Variants in TLE1 observed in about 807,000 individuals in gnomAD.
The protein encoded by TLE1 is transducin-like enhancer protein 1.
Under a neutral mutation model 89.8 loss-of-function variants are expected in TLE1, and 21 were observed. That is an observed-to-expected ratio of 0.23 (90% CI 0.17 to 0.34). The LOEUF (loss-of-function observed/expected upper bound fraction) is 0.34, where lower values mean the gene tolerates loss of function less well. TLE1 is among the 10% of genes least tolerant of loss of function. TLE1 has a pLI of 1.00. For missense variants in TLE1, 795 were observed against 1,031.2 expected, an observed-to-expected ratio of 0.77 and a Z score of 3.14; for synonymous variants, 447 against 407.6, an observed-to-expected ratio of 1.10 and a Z score of -1.16.
intron 4 of TLE1, among the ~76,000 whole-genome samples, chr9:81,657,310 A>G (rs1204768798): frequency 7.2e-5 from 11 of 152,206 alleles, no homozygotes; most frequent in Non-Finnish European, 1.2e-4. Flanking sequence ...ATGTGGTCAA[A>G]TGAAAGCATT....
At chr9:81,672,918 T>C (rs1436857947) in intron 4 of TLE1, among the ~76,000 whole-genome samples, 1 of 152,164 alleles carries the variant, frequency 6.6e-6, no homozygotes, top group Admixed American at 6.5e-5. Context: ...TTAAAGCTAT[T>C]GCCTTCCAAG....
intron 4 of TLE1, among the ~76,000 whole-genome samples, chr9:81,659,569 T>C (rs536378957): frequency 7.2e-5 from 11 of 152,298 alleles, no homozygotes; most frequent in African/African-American, 1.2e-4. Context: ...ACTTTCTTCA[T>C]GGATGGCCAC....
chr9:81,590,322 T>G (rs1829305007), intron 16 of TLE1, among the ~76,000 whole-genome samples: 1 of 152,222 alleles, frequency 6.6e-6, no homozygotes, highest in Non-Finnish European at 1.5e-5. Context: ...TGGGCAGGTC[T>G]ATTTCATTAT....
intron 11 of TLE1, 114 bp downstream of exon 11, chr9:81,615,868 T>C: frequency 7.3e-7 from 1 of 1,377,968 alleles, no homozygotes; most frequent in South Asian, 1.3e-5. Flanking sequence ...ATTAAACTCT[T>C]AAAAATACAA....
At chr9:81,642,419 A>C (rs1021588777) in intron 6 of TLE1, among the ~76,000 whole-genome samples, 1 of 152,034 alleles carries the variant, frequency 6.6e-6, no homozygotes, top group African/African-American at 2.4e-5. Context: ...AGGTCCGGGC[A>C]CAGTGGCTCA....
At chr9:81,643,313 G>A (rs1055458479) in intron 6 of TLE1, among the ~76,000 whole-genome samples, 1 of 151,324 alleles carries the variant, frequency 6.6e-6, no homozygotes, top group Non-Finnish European at 1.5e-5. Flanking sequence ...CTCGGCTCAC[G>A]GCAACCTCCA....
intron 4 of TLE1, 99 bp downstream of exon 4, chr9:81,685,577 A>C (rs1834158956): frequency 8.1e-7 from 1 of 1,229,998 alleles, no homozygotes; most frequent in African/African-American, 1.5e-5. Context: ...ATAGCATACA[A>C]ACCCCCACCC....
At chr9:81,588,421 T>C (rs538705301) in intron 16 of TLE1, among the ~76,000 whole-genome samples, 71 of 152,252 alleles carry the variant, frequency 4.7e-4, no homozygotes, top group Non-Finnish European at 9.4e-4. Context: ...TTAGGAAATC[T>C]GGACTCCCAG....
intron 15 of TLE1, among the ~76,000 whole-genome samples, 157 bp downstream of exon 15, chr9:81,592,868 T>C (rs1187537265): frequency 6.6e-6 from 1 of 152,180 alleles, no homozygotes; most frequent in African/African-American, 2.4e-5. Flanking sequence ...AACCTTCGCA[T>C]TTAAATGGGG....
intron 4 of TLE1, among the ~76,000 whole-genome samples, chr9:81,666,948 T>C (rs1212795150): frequency 4.0e-5 from 6 of 151,328 alleles, no homozygotes; most frequent in African/African-American, 1.5e-4. Flanking sequence ...TGAGACCTCA[T>C]TTCTACAGAA....
In TLE1 at chr9:81,587,739, A is replaced by G. The variant is rs749371285; in HGVS notation, c.1919T>C (p.Val640Ala). ...KLWTGGLDNTVRSWDLREGRQ... is the reference protein window; with the variant it reads ...KLWTGGLDNTARSWDLREGRQ... Reference sequence around the variant, plus strand: ...CCCCTCGCGCAGGTCCCAGGACCTGACTGTGTTGTCCAAACCACCCGTCCA... The same window carrying G: ...CCCCTCGCGCAGGTCCCAGGACCTGGCTGTGTTGTCCAAACCACCCGTCCA... The change falls in exon 17 of 20, where the codon GTC (valine) becomes GCC (alanine). Residue 640 changes from valine (V) to alanine (A), a missense_variant. Coordinates refer to ENST00000376499, the MANE Select transcript of TLE1 (RefSeq NM_005077.5). The G allele has an allele frequency of 1.5e-5, 24 of 1,613,984 alleles. No homozygotes were observed. The highest frequency in any genetic ancestry group is 4.2e-6 in the Non-Finnish European group (5 of 1,180,018).
intron 4 of TLE1, among the ~76,000 whole-genome samples, chr9:81,679,650 C>T (rs138813120): frequency 6.6e-5 from 10 of 152,042 alleles, no homozygotes; most frequent in African/African-American, 2.2e-4. Flanking sequence ...ATAAGCCCAC[C>T]GACAGAAACA....
chr9:81,659,987 C>G (rs1357642438), intron 4 of TLE1, among the ~76,000 whole-genome samples: 1 of 152,146 alleles, frequency 6.6e-6, no homozygotes, highest in Non-Finnish European at 1.5e-5. Flanking sequence ...TCTCTAGGCC[C>G]TTCAAGATCC....
At chr9:81,669,820 C>A (rs1407747287) in intron 4 of TLE1, among the ~76,000 whole-genome samples, 5 of 152,096 alleles carry the variant, frequency 3.3e-5, no homozygotes, top group African/African-American at 1.2e-4. Flanking sequence ...ATGTTAATAA[C>A]CCTGACTTTA....
chr9:81,667,286 C>T (rs1831591083), intron 4 of TLE1, among the ~76,000 whole-genome samples: 1 of 150,052 alleles, frequency 6.7e-6, no homozygotes, highest in Non-Finnish European at 1.5e-5. Context: ...AATCCAGCTA[C>T]TCAGAAGGCT....
intron 4 of TLE1, among the ~76,000 whole-genome samples, chr9:81,678,685 C>A (rs993316307): frequency 3.2e-4 from 49 of 152,146 alleles, no homozygotes; most frequent in African/African-American, 1.1e-3. Flanking sequence ...TGTGGTGGCA[C>A]GTGCCTGTAA....
intron 9 of TLE1, among the ~76,000 whole-genome samples, chr9:81,617,013 T>G (rs568390888): frequency 3.9e-5 from 6 of 152,232 alleles, no homozygotes; most frequent in Non-Finnish European, 5.9e-5. Flanking sequence ...AGTAAATGGT[T>G]GCAACAGCTG....
At chr9:81,598,399 G>A (rs953176539) in intron 14 of TLE1, among the ~76,000 whole-genome samples, 1 of 152,126 alleles carries the variant, frequency 6.6e-6, no homozygotes, top group African/African-American at 2.4e-5. Flanking sequence ...CAGCCTTGAT[G>A]ATTCTTTCCC....
chr9:81,649,332 C>A (rs1829253405), intron 6 of TLE1, among the ~76,000 whole-genome samples: 1 of 152,118 alleles, frequency 6.6e-6, no homozygotes, highest in Non-Finnish European at 1.5e-5. Flanking sequence ...AAAAATACAA[C>A]CTCTCTCTGT....
Sources: gnomAD v4.1 joint callset for allele counts (sites outside exome capture counted in the v4.1 genomes callset) on GRCh38, gnomAD v4.1.1 for gene constraint, MANE v1.5 for transcripts, NCBI Gene and HGNC (gene_info 2026-07-23, HGNC 2026-07-21) for gene names.